The following IMMP2L variants were observed in gnomAD, a reference collection of about 807,000 sequenced individuals.
The protein encoded by IMMP2L is inner mitochondrial membrane peptidase subunit 2, also known as mitochondrial inner membrane protease subunit 2.
A neutral mutation model predicts 19.3 loss-of-function variants in IMMP2L; 18 were observed. That is an observed-to-expected ratio of 0.93 (90% confidence interval 0.64 to 1.38). IMMP2L has a LOEUF of 1.38. Among genes scored for constraint, IMMP2L ranks in the 40% most tolerant of loss-of-function variants. IMMP2L has a pLI of 0.00. For synonymous variants in IMMP2L, 76 were observed against 73.0 expected (o/e 1.04, Z -0.21); for missense variants, 233 against 218.2 (o/e 1.07, Z -0.43).
intron 3 of IMMP2L, among the ~76,000 whole-genome samples, chr7:111,108,018 A>G (rs777555986): frequency 9.9e-5 from 15 of 152,240 alleles, no homozygotes; most frequent in Middle Eastern, 3.4e-3. Flanking sequence ...CCGAGTATAT[A>G]TGGCTTTCTT....
intron 3 of IMMP2L, among the ~76,000 whole-genome samples, chr7:111,200,298 TGTCTTATTAGCACA>T (rs1291813694): frequency 6.6e-6 from 1 of 152,126 alleles, no homozygotes; most frequent in African/African-American, 2.4e-5. Context: ...CTTTCAAAAA[TGTCTTATTAGCACA>T]GTCGAAAGTG....
At chr7:110,721,465 T>C (rs186413524) in intron 5 of IMMP2L, among the ~76,000 whole-genome samples, 406 of 152,150 alleles carry the variant, frequency 2.7e-3, no homozygotes, top group Non-Finnish European at 4.5e-3. Context: ...TGGAGATGTA[T>C]AGGAAATGAA....
intron 3 of IMMP2L, among the ~76,000 whole-genome samples, chr7:111,049,821 T>C (rs1792830958): frequency 6.6e-6 from 1 of 152,152 alleles, no homozygotes; most frequent in Non-Finnish European, 1.5e-5. Context: ...ACTGAGGCCA[T>C]AAAGGGACTG....
chr7:111,087,518 T>G (rs559159078), intron 3 of IMMP2L, among the ~76,000 whole-genome samples: 5 of 152,026 alleles, frequency 3.3e-5, no homozygotes, highest in African/African-American at 1.2e-4. Context: ...TAGGTATAAT[T>G]TATATATCAA....
intron 3 of IMMP2L, among the ~76,000 whole-genome samples, chr7:111,181,931 A>G (rs1807754953): frequency 6.6e-6 from 1 of 152,038 alleles, no homozygotes; most frequent in South Asian, 2.1e-4. Flanking sequence ...CATATAGAAC[A>G]AGTGTTGAAT....
intron 3 of IMMP2L, among the ~76,000 whole-genome samples, chr7:111,291,563 C>G (rs1478009773): frequency 1.3e-5 from 2 of 152,070 alleles, no homozygotes; most frequent in South Asian, 2.1e-4. Context: ...TCCACCAAAA[C>G]CTGGCCGTCT....
chr7:111,290,557 G>T (rs1213993801), intron 3 of IMMP2L, among the ~76,000 whole-genome samples: 1 of 151,792 alleles, frequency 6.6e-6, no homozygotes, highest in Non-Finnish European at 1.5e-5. Context: ...TTATGTCAGA[G>T]GTCAGCAACC....
At chr7:110,719,002 C>T (rs1795405268) in intron 5 of IMMP2L, among the ~76,000 whole-genome samples, 1 of 152,142 alleles carries the variant, frequency 6.6e-6, no homozygotes, top group African/African-American at 2.4e-5. Flanking sequence ...CATGTAACCC[C>T]CTCCAACCTA....
chr7:111,405,371 C>A (rs1012299992), intron 3 of IMMP2L, among the ~76,000 whole-genome samples: 1 of 151,828 alleles, frequency 6.6e-6, no homozygotes, highest in East Asian at 1.9e-4. Flanking sequence ...TAACAAATAA[C>A]CCCACACATT....
chr7:111,014,515 C>T (rs902125554), intron 3 of IMMP2L, among the ~76,000 whole-genome samples: 1 of 151,964 alleles, frequency 6.6e-6, no homozygotes, highest in African/African-American at 2.4e-5. Context: ...ATTTAAAAGG[C>T]TTTTGGAATG....
At chr7:111,509,247 A>G (rs1373659389) in intron 2 of IMMP2L, among the ~76,000 whole-genome samples, 1 of 152,122 alleles carries the variant, frequency 6.6e-6, no homozygotes. Flanking sequence ...TAGGTCTGAA[A>G]TGGGGCTCAT....
chr7:111,377,765 T>C (rs1051594039), intron 3 of IMMP2L, among the ~76,000 whole-genome samples: 2 of 152,034 alleles, frequency 1.3e-5, no homozygotes, highest in East Asian at 3.9e-4. Flanking sequence ...ATATATACTC[T>C]AAACTGTTTT....
chr7:111,161,269 C>T (rs1338833277), intron 3 of IMMP2L, among the ~76,000 whole-genome samples: 2 of 151,750 alleles, frequency 1.3e-5, no homozygotes, highest in African/African-American at 4.8e-5. Context: ...GACGACAAAA[C>T]AGAAAATGAC....
intron 3 of IMMP2L, among the ~76,000 whole-genome samples, chr7:111,288,674 T>A (rs1820758053): frequency 6.6e-6 from 1 of 152,138 alleles, no homozygotes; most frequent in Non-Finnish European, 1.5e-5. Context: ...AAAAAGTTCA[T>A]CATCACTGGT....
intron 5 of IMMP2L, chr7:110,724,615 C>A (rs1795775429): frequency 6.6e-6 from 1 of 151,498 alleles, no homozygotes; most frequent in South Asian, 2.1e-4. Flanking sequence ...AAAATGTCTT[C>A]AGCATTTTTT....
In IMMP2L at chr7:111,020,583, A is replaced by G. The variant is rs540376879; in HGVS notation, c.240-57018T>C. On this transcript the variant is annotated intron_variant, in intron 3 of 5. Transcript: ENST00000405709. ...TCAAGACCAGCCTGGGCAAAATGGT[A>G]AAACACTGTCTCCACCAAAAACACA... is the stretch of plus-strand genomic sequence containing the variant. Among the ~76,000 whole-genome samples, 6 of 152,178 alleles carry G rather than the reference A, an allele frequency of 3.9e-5. No homozygotes were observed. The East Asian group carries it at 1.2e-3, about 29-fold the overall frequency.
At position 111,345,286 on chromosome 7, in the gene IMMP2L, G is replaced by C. The variant is rs114728566; in HGVS notation, c.239+141952C>G. 6.5e-3 allele frequency among the ~76,000 whole-genome samples: 981 copies of C among 152,060 alleles called. 12 individuals carry two copies. Among genetic ancestry groups the C allele is most frequent in the African/African-American group, 0.021 (862 of 41,488 alleles). ...TTTTACATCAAACTATTTTAGTTGTGCTTCATTAGAAAGCTCAACATGATC... is the reference window on the plus strand; with the variant it reads ...TTTTACATCAAACTATTTTAGTTGTCCTTCATTAGAAAGCTCAACATGATC... On this transcript the variant is annotated intron_variant, in intron 3 of 5. Coordinates refer to ENST00000405709, the MANE Select transcript of IMMP2L (RefSeq NM_032549.4).
chr7:111,539,978 CTTTA>C (rs1283777989), intron 1 of IMMP2L, among the ~76,000 whole-genome samples: 1 of 152,022 alleles, frequency 6.6e-6, no homozygotes, highest in Admixed American at 6.6e-5. Flanking sequence ...TTTTTAATGG[CTTTA>C]TTTATGTACC....
At chr7:111,268,569 CTTTTTTTTTTTTTTTTTTTTTTTTTT>C (rs762576425) in intron 3 of IMMP2L, among the ~76,000 whole-genome samples, 55 of 44,590 alleles carry the variant, frequency 1.2e-3, no homozygotes, top group African/African-American at 5.1e-3. Flanking sequence ...TCACATTTCT[CTTTTTTTTTTTTTTTTTTTTTTTTTT>C]TTTTTTTTTT....
Sources: gnomAD v4.1 joint callset for allele counts (sites outside exome capture counted in the v4.1 genomes callset) on GRCh38, gnomAD v4.1.1 for gene constraint, MANE v1.5 for transcripts, NCBI Gene and HGNC (gene_info 2026-07-23, HGNC 2026-07-21) for gene names.